Variants in TMEM164 observed in about 807,000 individuals in gnomAD.
The protein encoded by TMEM164 is RP13-360B22.2.
Under a neutral mutation model 18.8 loss-of-function variants are expected in TMEM164, and 4 were observed. The observed-to-expected ratio is 0.21, with a 90% CI of 0.10 to 0.49. The LOEUF (loss-of-function observed/expected upper bound fraction) is 0.49. Ranked by LOEUF, TMEM164 falls within the 20% of genes least tolerant of loss-of-function variation. The pLI, the probability that TMEM164 is intolerant of heterozygous loss-of-function variation, is 0.98. For synonymous variants in TMEM164, 86 were observed against 101.7 expected, an observed-to-expected ratio of 0.85 and a Z score of 0.93; for missense variants, 108 against 239.9, an observed-to-expected ratio of 0.45 and a Z score of 3.63.
At chrX:110,070,043 C>T (rs1031758703) in intron 3 of TMEM164, among the ~76,000 whole-genome samples, 3 of 111,743 alleles carry the variant, frequency 2.7e-5, no homozygotes, top group East Asian at 2.8e-4. Context: ...GGGCCGGGCA[C>T]GGTGGCTCAC....
chrX:110,152,070 T>TTTTTTTTTTTTG (rs1363321994), intron 5 of TMEM164, among the ~76,000 whole-genome samples: 2 of 102,515 alleles, frequency 2.0e-5, no homozygotes, highest in African/African-American at 7.5e-5. Context: ...TTTTTTTTTT[T>TTTTTTTTTTTTG]GTCTGAGACG....
chrX:110,003,387 C>T (rs1194800110), intron 1 of TMEM164, 114 bp from the exon 2 acceptor site: 1 of 151,818 alleles, frequency 6.6e-6, no homozygotes, highest in Non-Finnish European at 1.3e-5. Flanking sequence ...CTTGCTTCGC[C>T]ACTGCCCCGT....
At chrX:110,036,909 A>G (rs1467811731) in intron 2 of TMEM164, among the ~76,000 whole-genome samples, 1 of 109,961 alleles carries the variant, frequency 9.1e-6, no homozygotes, top group Non-Finnish European at 1.9e-5. Flanking sequence ...TTTTTTTTTC[A>G]TTTTACTAAT....
chrX:110,100,985 C>T (rs1386100149), intron 3 of TMEM164, among the ~76,000 whole-genome samples: 2 of 105,732 alleles, frequency 1.9e-5, no homozygotes, highest in Non-Finnish European at 3.9e-5. Context: ...TCTGTCTGTC[C>T]TTCCTTCCTT....
At chrX:110,028,710 G>A (rs1454820055) in intron 2 of TMEM164, among the ~76,000 whole-genome samples, 2 of 111,627 alleles carry the variant, frequency 1.8e-5, no homozygotes, top group African/African-American at 3.3e-5. Context: ...TGATCTGTAT[G>A]TTCTGTTTCT....
chrX:110,147,448 A>G (rs1349676262), intron 5 of TMEM164, among the ~76,000 whole-genome samples: 1 of 111,646 alleles, frequency 9.0e-6, no homozygotes, highest in African/African-American at 3.3e-5. Context: ...GCAGCTCTGC[A>G]TGGGGCACAG....
At position 110,174,339 on chromosome X, in the gene TMEM164, T is replaced by C. The variant is rs1229035001; in HGVS notation, c.*888T>C. 1 of 106,799 alleles carries C rather than the reference T, an allele frequency of 9.4e-6. No homozygotes were observed. The highest frequency in any genetic ancestry group is 1.9e-5 in the Non-Finnish European group (1 of 51,572). 8.8% of individuals were successfully genotyped at this position (106,799 alleles called of 1,213,427 possible). On this transcript the variant is annotated 3_prime_UTR_variant, in exon 7 of 7. Transcript: ENST00000372068. ...TAATCTTGAGTGCCCCTTAAATGTG[T>C]TCCCTCTCCCTTTCCCTCTCCCCCC... is the stretch of plus-strand genomic sequence containing the variant.
chrX:110,138,290 T>C (rs1310884608), intron 4 of TMEM164, among the ~76,000 whole-genome samples: 1 of 112,500 alleles, frequency 8.9e-6, no homozygotes, highest in Non-Finnish European at 1.9e-5. Flanking sequence ...ATGAAGTAGA[T>C]ACTGTTATTC....
intron 3 of TMEM164, among the ~76,000 whole-genome samples, chrX:110,086,119 C>A (rs969461241): frequency 3.6e-5 from 4 of 111,980 alleles, no homozygotes; most frequent in African/African-American, 1.3e-4. Flanking sequence ...AGATTTCTCC[C>A]AGATCCTGGT....
chrX:110,038,437 T>TG (rs979341644), intron 2 of TMEM164, among the ~76,000 whole-genome samples: 1 of 111,358 alleles, frequency 9.0e-6, no homozygotes, highest in African/African-American at 3.3e-5. Flanking sequence ...CTCAGGGAGA[T>TG]GGTCCAGCTG....
intron 2 of TMEM164, among the ~76,000 whole-genome samples, chrX:110,034,142 T>G (rs944673572): frequency 8.9e-6 from 1 of 112,061 alleles, no homozygotes; most frequent in Non-Finnish European, 1.9e-5. Flanking sequence ...TGATGAATAA[T>G]AGAATTTGCC....
intron 3 of TMEM164, among the ~76,000 whole-genome samples, chrX:110,098,950 A>ATTT (rs772519388): frequency 4.7e-5 from 4 of 85,092 alleles, no homozygotes; most frequent in Non-Finnish European, 6.9e-5. Context: ...CACCCGGCTA[A>ATTT]TTTTTTTTTT....
At chrX:110,055,252 A>G (rs943139366) in intron 2 of TMEM164, 1 of 367,619 alleles carries the variant, frequency 2.7e-6, no homozygotes, top group African/African-American at 2.6e-5. Flanking sequence ...TCTCAGCGAC[A>G]ACATAGTGAT....
chrX:110,084,464 GTATA>G (rs572080956), intron 3 of TMEM164, among the ~76,000 whole-genome samples: 1 of 61,757 alleles, frequency 1.6e-5, no homozygotes, highest in South Asian at 7.4e-4. Flanking sequence ...ATATAGTATA[GTATA>G]TATATATATA....
At chrX:110,110,775 A>C (rs754329639) in intron 4 of TMEM164, among the ~76,000 whole-genome samples, 14 of 112,417 alleles carry the variant, frequency 1.2e-4, no homozygotes, top group African/African-American at 3.6e-4. Context: ...TTCTTGGAGA[A>C]TCACTGTCCC....
chrX:110,098,564 C>G (rs1243441028), intron 3 of TMEM164, among the ~76,000 whole-genome samples: 1 of 111,106 alleles, frequency 9.0e-6, no homozygotes, highest in Non-Finnish European at 1.9e-5. Flanking sequence ...ATTTACATTC[C>G]TACCAACAGT....
chrX:110,020,930 T>C (rs73540232), intron 2 of TMEM164, among the ~76,000 whole-genome samples: 2,221 of 80,069 alleles, frequency 0.028, 80 homozygotes, highest in African/African-American at 0.1. Context: ...AATACAAAAA[T>C]GTTGCAGAAC....
chrX:110,151,297 G>A (rs955857823), intron 5 of TMEM164, among the ~76,000 whole-genome samples: 8 of 111,040 alleles, frequency 7.2e-5, no homozygotes, highest in Non-Finnish European at 1.5e-4. Flanking sequence ...ATTTTTGTTG[G>A]ATATTTCCAA....
intron 2 of TMEM164, among the ~76,000 whole-genome samples, chrX:110,015,802 C>T (rs1933331113): frequency 8.9e-6 from 1 of 112,152 alleles, no homozygotes; most frequent in Non-Finnish European, 1.9e-5. Flanking sequence ...TTGGATCTCC[C>T]TTCTGCTGCA....
Sources: allele counts gnomAD v4.1 joint callset (sites outside exome capture counted in the v4.1 genomes callset), GRCh38; gene constraint gnomAD v4.1.1; transcripts MANE v1.5; gene names NCBI Gene and HGNC (gene_info 2026-07-23, HGNC 2026-07-21).